NAV2: variants seen among roughly 807,000 people sequenced by gnomAD.
NAV2 encodes helicase, APC down-regulated 1.
Under a neutral mutation model 223.2 loss-of-function variants are expected in NAV2, and 54 were observed. That is an observed-to-expected ratio of 0.24 (90% CI 0.19 to 0.30). The LOEUF (loss-of-function observed/expected upper bound fraction) is 0.30, where lower values mean the gene tolerates loss of function less well. Ranked by LOEUF, NAV2 falls within the 10% of genes least tolerant of loss-of-function variation. The pLI, the probability that NAV2 is intolerant of heterozygous loss-of-function variation, is 1.00. For missense variants in NAV2, 2,806 were observed against 3,147.5 expected, an observed-to-expected ratio of 0.89 and a Z score of 2.60; for synonymous variants, 1,279 against 1,239.3, an observed-to-expected ratio of 1.03 and a Z score of -0.67.
intron 1 of NAV2, among the ~76,000 whole-genome samples, chr11:19,718,019 C>A (rs891493718): frequency 1.3e-5 from 2 of 152,086 alleles, no homozygotes; most frequent in African/African-American, 4.8e-5. Context: ...CCTTGAGTCT[C>A]TCCCATAAAC....
chr11:20,011,577 C>T (rs1402269716), intron 11 of NAV2, among the ~76,000 whole-genome samples: 2 of 152,198 alleles, frequency 1.3e-5, no homozygotes, highest in Admixed American at 1.3e-4. Flanking sequence ...AGACACACAT[C>T]GCTTAAGCAA....
At chr11:19,784,177 T>A (rs778431252) in intron 1 of NAV2, among the ~76,000 whole-genome samples, 8 of 151,648 alleles carry the variant, frequency 5.3e-5, no homozygotes, top group African/African-American at 1.2e-4. Flanking sequence ...TCACCTGAGG[T>A]TGAGAGTTCA....
chr11:19,795,390 A>T (rs1469250010), intron 1 of NAV2, among the ~76,000 whole-genome samples: 1 of 152,204 alleles, frequency 6.6e-6, no homozygotes, highest in East Asian at 1.9e-4. Context: ...TCCCTTATTT[A>T]CTTGTTTCCT....
intron 1 of NAV2, among the ~76,000 whole-genome samples, chr11:19,823,069 A>G (rs569780759): frequency 3.3e-4 from 51 of 152,292 alleles, no homozygotes; most frequent in African/African-American, 1.2e-3. Flanking sequence ...TTTGTTTGAG[A>G]CAGGGTCTCG....
At chr11:19,667,176 G>C (rs1378055549) in intron 1 of NAV2, among the ~76,000 whole-genome samples, 5 of 152,192 alleles carry the variant, frequency 3.3e-5, no homozygotes, top group Non-Finnish European at 5.9e-5. Context: ...CTTGCACAGA[G>C]GATGTGCTTG....
intron 1 of NAV2, among the ~76,000 whole-genome samples, chr11:19,765,683 C>G (rs1159490461): frequency 6.6e-6 from 1 of 152,154 alleles, no homozygotes; most frequent in Non-Finnish European, 1.5e-5. Context: ...GCCTCAGTAG[C>G]TTGCTGGCTG....
chr11:19,512,990 A>G (rs547886484), intron 1 of NAV2, among the ~76,000 whole-genome samples: 1 of 152,100 alleles, frequency 6.6e-6, no homozygotes, highest in South Asian at 2.1e-4. Context: ...GGAGCCCAAG[A>G]AGGACGATAC....
chr11:19,491,753 G>A (rs1424247586), intron 1 of NAV2, among the ~76,000 whole-genome samples: 2 of 152,114 alleles, frequency 1.3e-5, no homozygotes, highest in African/African-American at 4.8e-5. Context: ...TTCACAATTT[G>A]GCTGTTTTGT....
At chr11:19,731,371 T>C (rs1373719656) in intron 1 of NAV2, among the ~76,000 whole-genome samples, 3 of 152,252 alleles carry the variant, frequency 2.0e-5, no homozygotes. Context: ...ACAATTGCAG[T>C]TGGTGACTAT....
chr11:19,697,280 G>GGAGA (rs1235248915), intron 1 of NAV2, among the ~76,000 whole-genome samples: 12 of 152,190 alleles, frequency 7.9e-5, no homozygotes, highest in Non-Finnish European at 1.3e-4. Context: ...TTGCTAGACA[G>GGAGA]GAGAGGGAGG....
rs527928484 is a variant in NAV2 at position 19,713,928 on chromosome 11, A to T, written c.233A>T (p.Lys78Met). The T allele has an allele frequency of 1.2e-6, 2 of 1,613,424 alleles. No individual in the cohort carries two copies. The highest frequency in any genetic ancestry group is 4.5e-5 in the East Asian group (2 of 44,866). The change falls in exon 1 of 38, where the codon AAG becomes ATG. Residue 78 changes from lysine to methionine, a missense_variant. Lys to Met is a moderately conservative substitution (Grantham distance 95). Around this residue, in one of 4 missense-constraint regions of NAV2, gnomAD observed 1,167 missense variants for 1,180.5 expected, o/e 0.99. Coordinates refer to ENST00000349880, the MANE Select transcript of NAV2 (RefSeq NM_145117.5). This position sits in a 1 kb window ranked among gnomAD's most constrained non-coding sequence, Gnocchi z 7.2. Reference protein sequence around the residue: ...EPAGEGLPLRKSGSVENGFDT... With the variant: ...EPAGEGLPLRMSGSVENGFDT... ...GCGGGGGAGGGGCTCCCGCTGCGGA[A>T]GAGCGGCTCGGTGGAAAACGGGTTC...
chr11:20,091,031 G>C lies in NAV2; in HGVS notation c.5652+13G>C. 6.2e-7 allele frequency: 1 copy of C among 1,611,724 alleles called. No individual in the cohort carries two copies. The highest frequency in any genetic ancestry group is 1.1e-5 in the South Asian group (1 of 91,006). On this transcript the variant is annotated intron_variant, in intron 27 of 37. Coordinates refer to ENST00000349880, the MANE Select transcript of NAV2 (RefSeq NM_145117.5). ...GAACAGGATGCAGGTGAGAGCCCAG[G>C]AGCATGGGCTGAGCTCAAGGCTGTC...
chr11:19,981,348 C>A (rs1050112077), intron 10 of NAV2: 1 of 152,166 alleles, frequency 6.6e-6, no homozygotes, highest in Non-Finnish European at 1.5e-5. Flanking sequence ...GGGGCTGCAA[C>A]GTTTCTCAGC....
At chr11:20,003,130 G>A (rs1028741944) in intron 11 of NAV2, among the ~76,000 whole-genome samples, 3 of 152,218 alleles carry the variant, frequency 2.0e-5, no homozygotes, top group Admixed American at 6.5e-5. Flanking sequence ...ACCCTGGGAG[G>A]GAAGTCGGAG....
chr11:19,801,754 T>C (rs1469710664), intron 1 of NAV2, among the ~76,000 whole-genome samples: 1 of 152,206 alleles, frequency 6.6e-6, no homozygotes, highest in Non-Finnish European at 1.5e-5. Context: ...TTACTAGCTC[T>C]GTAACCTTGG....
chr11:19,835,698 G>T (rs987267908), intron 2 of NAV2, among the ~76,000 whole-genome samples: 2 of 151,216 alleles, frequency 1.3e-5, no homozygotes, highest in African/African-American at 4.9e-5. Flanking sequence ...TGTATATATA[G>T]ATATCCATAT....
intron 1 of NAV2, among the ~76,000 whole-genome samples, chr11:19,812,282 C>T (rs1467738387): frequency 6.6e-6 from 1 of 152,002 alleles, no homozygotes; most frequent in East Asian, 1.9e-4. Context: ...TTGCTCTCTT[C>T]TTATCAGTTG....
At chr11:19,959,042 A>G (rs1424129375) in intron 10 of NAV2, among the ~76,000 whole-genome samples, 2 of 152,158 alleles carry the variant, frequency 1.3e-5, no homozygotes, top group South Asian at 2.1e-4. Flanking sequence ...GACAGAGAAG[A>G]TAAGGATGGC....
intron 6 of NAV2, among the ~76,000 whole-genome samples, chr11:19,918,692 C>G (rs2044013415): frequency 6.6e-6 from 1 of 152,132 alleles, no homozygotes; most frequent in South Asian, 2.1e-4. Context: ...ATTTTGTTAT[C>G]TTGAGTTTGA....
Sources: gnomAD v4.1 joint callset for allele counts (sites outside exome capture counted in the v4.1 genomes callset) on GRCh38, gnomAD v4.1.1 for gene constraint, gnomAD v4.1.1 regional missense constraint, Gnocchi (gnomAD v3.1) non-coding constraint, MANE v1.5 for transcripts, NCBI Gene and HGNC (gene_info 2026-07-23, HGNC 2026-07-21) for gene names.